NKAIN3: variants seen among roughly 807,000 people sequenced by gnomAD.
The protein encoded by NKAIN3 is sodium/potassium transporting ATPase interacting 3.
A neutral mutation model predicts 30.2 loss-of-function variants in NKAIN3; 25 were observed. The ratio of observed to expected loss-of-function variants is 0.83; its 90% CI spans 0.60 to 1.16. The LOEUF (loss-of-function observed/expected upper bound fraction) is 1.16. Among genes scored for constraint, NKAIN3 ranks in the 50% most tolerant of loss-of-function variants. The probability of loss-of-function intolerance (pLI) is 0.00; values close to 1 mark genes in which losing one functional copy is unlikely to be tolerated. For missense variants in NKAIN3, 225 were observed against 254.1 expected, an observed-to-expected ratio of 0.89 and a Z score of 0.78; for synonymous variants, 91 against 89.6, an observed-to-expected ratio of 1.02 and a Z score of -0.09.
chr8:62,438,580 G>A (rs530789858), intron 1 of NKAIN3, among the ~76,000 whole-genome samples: 1 of 151,532 alleles, frequency 6.6e-6, no homozygotes, highest in South Asian at 2.1e-4. Context: ...TTTTTTCTTT[G>A]AGAAGGAGGC....
chr8:62,448,477 CA>C (rs71255338), intron 1 of NKAIN3, among the ~76,000 whole-genome samples: 79,262 of 139,736 alleles, frequency 0.57, 23,671 homozygotes, highest in East Asian at 0.68. Flanking sequence ...CTAGAAAATC[CA>C]AAAAAAAAAA....
intron 1 of NKAIN3, among the ~76,000 whole-genome samples, chr8:62,456,318 G>C (rs1390491717): frequency 6.6e-6 from 1 of 151,954 alleles, no homozygotes; most frequent in African/African-American, 2.4e-5. Flanking sequence ...TCAGGAGATC[G>C]AGACCATCTG....
intron 1 of NKAIN3, among the ~76,000 whole-genome samples, chr8:62,270,102 A>C (rs1333229522): frequency 6.6e-6 from 1 of 151,928 alleles, no homozygotes; most frequent in African/African-American, 2.4e-5. Flanking sequence ...GTTTGTTCTG[A>C]GAGAGGGTCT....
At chr8:62,665,545 T>G (rs559061810) in intron 3 of NKAIN3, among the ~76,000 whole-genome samples, 1 of 152,270 alleles carries the variant, frequency 6.6e-6, no homozygotes, top group Admixed American at 6.5e-5. Flanking sequence ...CACTTCTGGG[T>G]GACAAGATGG....
intron 3 of NKAIN3, among the ~76,000 whole-genome samples, chr8:62,724,902 G>A (rs1554571018): frequency 6.6e-6 from 1 of 152,048 alleles, no homozygotes; most frequent in Non-Finnish European, 1.5e-5. Context: ...CCCACCAATG[G>A]GATTGCTGGA....
intron 1 of NKAIN3, among the ~76,000 whole-genome samples, chr8:62,320,633 T>A (rs865795391): frequency 6.0e-4 from 91 of 152,322 alleles, no homozygotes; most frequent in African/African-American, 2.0e-3. Flanking sequence ...TTGAAAATTC[T>A]TTTCTTTAAG....
chr8:62,976,543 A>G lies in NKAIN3; in HGVS notation c.*11136A>G, dbSNP rs1823945432. Among the ~76,000 whole-genome samples, 1 of 152,072 alleles carries G rather than the reference A, an allele frequency of 6.6e-6. No individual in the cohort carries two copies. Among genetic ancestry groups the G allele is most frequent in the African/African-American group, 2.4e-5 (1 of 41,428 alleles). The stretch of plus-strand genomic sequence containing the variant: ...TTTGCTTTCCATTTGCCTGGTAAAT[A>G]TCTCTCCATCCTTTTATTTTGAGCC... On this transcript the variant is annotated 3_prime_UTR_variant, in exon 7 of 7. Transcript: ENST00000623646.
intron 4 of NKAIN3, among the ~76,000 whole-genome samples, chr8:62,754,809 G>GTA (rs1479526822): frequency 1.3e-5 from 2 of 152,130 alleles, no homozygotes; most frequent in African/African-American, 4.8e-5. Context: ...TCCAAAGGCT[G>GTA]TATAGCTATC....
In NKAIN3 at chr8:62,646,988, A is replaced by G. The variant is rs11993685; in HGVS notation, c.273+57194A>G. 9.4e-3 allele frequency among the ~76,000 whole-genome samples: 1,434 copies of G among 152,210 alleles called. 15 individuals are homozygous for G. Among genetic ancestry groups the G allele is most frequent in the African/African-American group, 0.032 (1,331 of 41,552 alleles). On this transcript the variant is annotated intron_variant, in intron 3 of 6. Coordinates refer to ENST00000623646, the MANE Select transcript of NKAIN3 (RefSeq NM_001304533.3). ...GGCAAGCAACTTGGATGAGTTCTTA[A>G]TTTACTCACTTGCTATGAAGTCAAT... is the stretch of plus-strand genomic sequence containing the variant.
chr8:62,265,584 T>C (rs1812577317), intron 1 of NKAIN3, among the ~76,000 whole-genome samples: 2 of 152,204 alleles, frequency 1.3e-5, no homozygotes, highest in African/African-American at 4.8e-5. Flanking sequence ...TTTATTTAAA[T>C]ATGAAAGTAA....
At chr8:62,520,725 C>T (rs1177423090) in intron 1 of NKAIN3, among the ~76,000 whole-genome samples, 1 of 151,970 alleles carries the variant, frequency 6.6e-6, no homozygotes, top group African/African-American at 2.4e-5. Flanking sequence ...GGCCTCATTT[C>T]GAGTATACAG....
At chr8:62,597,008 A>G (rs1810855795) in intron 3 of NKAIN3, among the ~76,000 whole-genome samples, 1 of 152,086 alleles carries the variant, frequency 6.6e-6, no homozygotes, top group African/African-American at 2.4e-5. Flanking sequence ...TGAGATGTCC[A>G]CACAGTAAGA....
intron 1 of NKAIN3, among the ~76,000 whole-genome samples, chr8:62,348,306 C>T (rs1333745591): frequency 6.6e-6 from 1 of 152,022 alleles, no homozygotes; most frequent in Non-Finnish European, 1.5e-5. Flanking sequence ...GAATACTAAT[C>T]CAGGAAGCAT....
chr8:62,776,864 C>T (rs574931619), intron 4 of NKAIN3, among the ~76,000 whole-genome samples: 2 of 152,262 alleles, frequency 1.3e-5, no homozygotes, highest in Non-Finnish European at 2.9e-5. Context: ...TTAAACAACT[C>T]CCTGTAGCAT....
chr8:62,717,137 A>T (rs1814931624), intron 3 of NKAIN3, among the ~76,000 whole-genome samples: 1 of 152,224 alleles, frequency 6.6e-6, no homozygotes. Context: ...ACTAGAGCTG[A>T]AAAGAGTTTC....
At chr8:62,756,042 T>C (rs1816441430) in intron 4 of NKAIN3, among the ~76,000 whole-genome samples, 1 of 152,214 alleles carries the variant, frequency 6.6e-6, no homozygotes, top group Non-Finnish European at 1.5e-5. Flanking sequence ...GTCTATGCAG[T>C]ATACTCTCTT....
intron 4 of NKAIN3, among the ~76,000 whole-genome samples, chr8:62,889,971 T>C (rs1328515345): frequency 1.3e-5 from 2 of 152,158 alleles, no homozygotes; most frequent in Non-Finnish European, 2.9e-5. Flanking sequence ...TTTTGGTTGG[T>C]TTCAAGACAG....
At chr8:62,414,815 A>T (rs1052689708) in intron 1 of NKAIN3, among the ~76,000 whole-genome samples, 1 of 151,866 alleles carries the variant, frequency 6.6e-6, no homozygotes, top group South Asian at 2.1e-4. Flanking sequence ...AACATGTTAT[A>T]TACAGTAGTA....
At chr8:62,322,657 T>A (rs942583813) in intron 1 of NKAIN3, among the ~76,000 whole-genome samples, 1 of 152,230 alleles carries the variant, frequency 6.6e-6, no homozygotes, top group Non-Finnish European at 1.5e-5. Context: ...AAATAAATAC[T>A]ATGTGAGGGA....
Sources: gnomAD v4.1 joint callset for allele counts (sites outside exome capture counted in the v4.1 genomes callset) on GRCh38, gnomAD v4.1.1 for gene constraint, MANE v1.5 for transcripts, NCBI Gene and HGNC (gene_info 2026-07-23, HGNC 2026-07-21) for gene names.